Variants in MC2R observed in about 807,000 individuals in gnomAD.
MC2R encodes the protein melanocortin 2 receptor, also known as adrenocorticotropic hormone receptor.
Under a neutral mutation model 9.8 loss-of-function variants are expected in MC2R, and 9 were observed. The observed-to-expected ratio is 0.92, with a 90% CI of 0.55 to 1.60. The LOEUF (loss-of-function observed/expected upper bound fraction) is 1.60, where lower values mean the gene tolerates loss of function less well. Ranked by LOEUF, MC2R falls within the 40% of genes most tolerant of loss-of-function variation. The pLI is 0.00. For missense variants in MC2R, 370 were observed against 389.0 expected (o/e 0.95, Z 0.41); for synonymous variants, 185 against 154.7 (o/e 1.20, Z -1.45).
Position 13,884,377 on chromosome 18 carries a change from A to T in MC2R, c.*248T>A, listed in dbSNP as rs1016591464. ...CCTTAATTACTTTTGTACCTACCTAATACTTTGTATTCTATCCTTCTTTTA... is the reference window on the plus strand; with the variant it reads ...CCTTAATTACTTTTGTACCTACCTATTACTTTGTATTCTATCCTTCTTTTA... On this transcript the variant is annotated 3_prime_UTR_variant, in exon 2 of 2. Transcript: ENST00000327606. 22 of 568,786 alleles carry T rather than the reference A, an allele frequency of 3.9e-5. No homozygotes were observed. The highest frequency in any genetic ancestry group is 6.6e-5 in the Non-Finnish European group (21 of 318,162). The allele number at this position is 568,786 out of a possible 1,614,324, so 35.2% of individuals were successfully genotyped here. A position where few individuals can be genotyped will look rare whatever the true frequency, so the allele number is the denominator to read the frequency against.
Position 13,885,306 on chromosome 18 carries a change from C to A in MC2R, c.213G>T (p.Met71Ile). The A allele has an allele frequency of 6.2e-7, 1 of 1,614,126 alleles. No individual in the cohort carries two copies. Among genetic ancestry groups the A allele is most frequent in the East Asian group, 2.2e-5 (1 of 44,878 alleles). ...CCAAGATCTTATATAGGCTGCCCAG[C>A]ATATCAGATATGGCCAAGCTACAGA... The part of the protein sequence containing the change: ...FFICSLAISD[M>I]LGSLYKILEN... Residue 71 changes from methionine to isoleucine, a missense_variant, in exon 2 of 2, where the codon ATG (methionine) becomes ATT (isoleucine). Physicochemically the swap from Met to Ile is conservative, Grantham distance 10 (BLOSUM62 1). Coordinates refer to ENST00000327606, the MANE Select transcript of MC2R (RefSeq NM_000529.2).
intron 1 of MC2R, among the ~76,000 whole-genome samples, 188 bp downstream of exon 1, chr18:13,915,300 G>A (rs2045469810): frequency 6.6e-6 from 1 of 152,188 alleles, no homozygotes; most frequent in South Asian, 2.1e-4. Flanking sequence ...AAAGGTAATA[G>A]CCTTCATTGT....
At chr18:13,892,068 G>A (rs191352954) in intron 1 of MC2R, among the ~76,000 whole-genome samples, 44 of 152,310 alleles carry the variant, frequency 2.9e-4, no homozygotes, top group Admixed American at 6.5e-5. Context: ...GGCCAGTGGT[G>A]GCCTGTGTCC....
intron 1 of MC2R, among the ~76,000 whole-genome samples, chr18:13,898,635 G>GCCCT (rs1293563971): frequency 6.6e-6 from 1 of 152,240 alleles, no homozygotes; most frequent in Admixed American, 6.5e-5. Context: ...CGAGGTGCTT[G>GCCCT]CGTCACTCCA....
chr18:13,884,526 G>T lies in MC2R; in HGVS notation c.*99C>A. On this transcript the variant is annotated 3_prime_UTR_variant, in exon 2 of 2. Transcript: ENST00000327606. ...ATCATCCTTGCATCCATTAGGGAAG[G>T]AAGGCCAGTGAGGAGCACTGGCATT... 7.6e-7 allele frequency: 1 copy of T among 1,311,150 alleles called. No homozygotes were observed. The highest frequency in any genetic ancestry group is 1.1e-6 in the Non-Finnish European group (1 of 919,262). The allele number at this position is 1,311,150 out of a possible 1,614,324, so 81.2% of individuals were successfully genotyped here.
At chr18:13,898,051 A>C (rs2045357054) in intron 1 of MC2R, among the ~76,000 whole-genome samples, 1 of 151,864 alleles carries the variant, frequency 6.6e-6, no homozygotes, top group Non-Finnish European at 1.5e-5. Context: ...CCACTGTGGA[A>C]TAGAGTACCA....
intron 1 of MC2R, among the ~76,000 whole-genome samples, chr18:13,901,161 A>C (rs1042956635): frequency 1.3e-5 from 2 of 152,106 alleles, no homozygotes; most frequent in African/African-American, 4.8e-5. Context: ...TGAATGAAGA[A>C]ATTAAATAAA....
At chr18:13,895,840 C>T (rs1319426700) in intron 1 of MC2R, among the ~76,000 whole-genome samples, 1 of 152,068 alleles carries the variant, frequency 6.6e-6, no homozygotes, top group African/African-American at 2.4e-5. Context: ...GAGCCATCCG[C>T]AACAGCAACA....
At chr18:13,894,316 C>G (rs1475431378) in intron 1 of MC2R, among the ~76,000 whole-genome samples, 1 of 152,176 alleles carries the variant, frequency 6.6e-6, no homozygotes. Context: ...TAGAGAGTCT[C>G]ATATCCAATT....
At position 13,884,870 on chromosome 18, in the gene MC2R, C is replaced by A; in HGVS notation, c.649G>T (p.Gly217Trp). The A allele has an allele frequency of 6.2e-7, 1 of 1,614,054 alleles. No individual in the cohort carries two copies. The highest frequency in any genetic ancestry group is 8.5e-7 in the Non-Finnish European group (1 of 1,180,010). ...AGCAGGATGGTCAGTGTGATGGCCCCTTTCATGTTGGCTCTGGGGAGGGTG... is the reference window on the plus strand; with the variant it reads ...AGCAGGATGGTCAGTGTGATGGCCCATTTCATGTTGGCTCTGGGGAGGGTG... Reference protein sequence around the residue: ...ISTLPRANMKGAITLTILLGV... With the variant: ...ISTLPRANMKWAITLTILLGV... The change falls in exon 2 of 2, where the codon GGG (glycine) becomes TGG (tryptophan). Residue 217 changes from glycine (G) to tryptophan (W), a missense_variant. By Grantham distance (184) the Gly-to-Trp change is radical. Transcript: ENST00000327606.
intron 1 of MC2R, among the ~76,000 whole-genome samples, chr18:13,897,633 A>G (rs4797826): frequency 0.51 from 77,650 of 151,044 alleles, 20,959 homozygotes; most frequent in African/African-American, 0.68. Context: ...GGAGAGGAGA[A>G]GAGAAGGAAG....
At chr18:13,902,558 T>G (rs144927138) in intron 1 of MC2R, among the ~76,000 whole-genome samples, 29 of 152,226 alleles carry the variant, frequency 1.9e-4, no homozygotes, top group African/African-American at 6.5e-4. Context: ...GTGAACTCAT[T>G]TTTGACAAAG....
rs1005290429 is a variant in MC2R, at chr18:13,882,708, G to C, written c.*1917C>G. On this transcript the variant is annotated 3_prime_UTR_variant, in exon 2 of 2. Transcript: ENST00000327606. ...CAGAGCATTGCAGCATCAAAAAAAG[G>C]TTACCTCTTATTGAGAATACGCACT... is the stretch of plus-strand genomic sequence containing the variant. The C allele has an allele frequency of 1.3e-5, 2 of 152,130 alleles. No individual in the cohort carries two copies. The highest frequency in any genetic ancestry group is 6.5e-5 in the Admixed American group (1 of 15,280). 9.4% of individuals were successfully genotyped at this position (152,130 alleles called of 1,614,324 possible). A position where few individuals can be genotyped will look rare whatever the true frequency, so the allele number is the denominator to read the frequency against.
At chr18:13,905,571 G>A (rs1426483482) in intron 1 of MC2R, among the ~76,000 whole-genome samples, 1 of 152,024 alleles carries the variant, frequency 6.6e-6, no homozygotes, top group African/African-American at 2.4e-5. Context: ...AGTCAGAATG[G>A]CGATTATTAA....
Position 13,883,650 on chromosome 18 carries a change from CTCTCTCTG to C in MC2R, c.*967_*974del, listed in dbSNP as rs1275743853. On this transcript the variant is annotated 3_prime_UTR_variant, in exon 2 of 2. Transcript: ENST00000327606. The stretch of plus-strand genomic sequence containing the variant: ...ACACTCTCTCTCTCTCTCTCTCTCT[CTCTCTCTG>C]TCTGTCTCTGTCTCTCTCTCTTTAT... 5 of 151,730 alleles carry C rather than the reference CTCTCTCTG, an allele frequency of 3.3e-5. No homozygotes were observed. The highest frequency in any genetic ancestry group is 5.9e-5 in the Non-Finnish European group (4 of 68,012). The allele number at this position is 151,730 out of a possible 1,614,324, so 9.4% of individuals were successfully genotyped here. A position where few individuals can be genotyped will look rare whatever the true frequency, so the allele number is the denominator to read the frequency against.
intron 1 of MC2R, among the ~76,000 whole-genome samples, chr18:13,905,541 A>G (rs1275048120): frequency 1.3e-5 from 2 of 152,126 alleles, no homozygotes; most frequent in Non-Finnish European, 2.9e-5. Context: ...CAAAACCACA[A>G]CGAGATACCA....
At chr18:13,900,757 A>G (rs1170133083) in intron 1 of MC2R, among the ~76,000 whole-genome samples, 2 of 152,150 alleles carry the variant, frequency 1.3e-5, no homozygotes, top group Non-Finnish European at 2.9e-5. Context: ...AAGCAAATTT[A>G]TTAGCACTAA....
intron 1 of MC2R, among the ~76,000 whole-genome samples, chr18:13,909,431 G>T (rs1478027659): frequency 6.6e-6 from 1 of 152,174 alleles, no homozygotes; most frequent in Non-Finnish European, 1.5e-5. Context: ...GGATTCTTTG[G>T]AAGGAAGTCA....
At chr18:13,894,977 G>T (rs1197663570) in intron 1 of MC2R, among the ~76,000 whole-genome samples, 1 of 152,222 alleles carries the variant, frequency 6.6e-6, no homozygotes, top group Non-Finnish European at 1.5e-5. Context: ...CTCTGCTCTT[G>T]GGAAAAGTCT....
Sources: allele counts gnomAD v4.1 joint callset (sites outside exome capture counted in the v4.1 genomes callset), GRCh38; gene constraint gnomAD v4.1.1; transcripts MANE v1.5; gene names NCBI Gene and HGNC (gene_info 2026-07-23, HGNC 2026-07-21).